CYRIB: variants seen among roughly 807,000 people sequenced by gnomAD.
CYRIB encodes the protein CYFIP related Rac1 interactor B, also known as CYFIP-related Rac1 interactor B.
CYRIB carries 8 observed loss-of-function variants against 44.2 expected under a neutral mutation model. That is an observed-to-expected ratio of 0.18 (90% confidence interval 0.11 to 0.33). The LOEUF is 0.33. Ranked by LOEUF, CYRIB falls within the 10% of genes least tolerant of loss-of-function variation. The pLI, the probability that CYRIB is intolerant of heterozygous loss-of-function variation, is 1.00. For missense variants in CYRIB, 185 were observed against 382.8 expected (o/e 0.48, Z 4.31); for synonymous variants, 131 against 127.2 (o/e 1.03, Z -0.20).
At chr8:129,876,980 G>A (rs917821035) in intron 3 of CYRIB, among the ~76,000 whole-genome samples, 3 of 152,100 alleles carry the variant, frequency 2.0e-5, no homozygotes, top group Admixed American at 6.6e-5. Context: ...AGTATAAAAC[G>A]GTTTAAGAGA....
chr8:129,917,200 T>C (rs1294419581), intron 1 of CYRIB, among the ~76,000 whole-genome samples: 2 of 152,200 alleles, frequency 1.3e-5, no homozygotes, highest in Non-Finnish European at 2.9e-5. Flanking sequence ...GAAGTTTATG[T>C]ATTAATACAT....
intron 2 of CYRIB, among the ~76,000 whole-genome samples, chr8:129,887,507 A>G (rs572528872): frequency 3.0e-4 from 45 of 152,200 alleles, no homozygotes; most frequent in Non-Finnish European, 5.6e-4. Context: ...GGCACTGCCT[A>G]ACATAGCTGC....
At position 129,945,041 on chromosome 8, in the gene CYRIB, T is replaced by C. The variant is rs551073140; in HGVS notation, c.-243+25902A>G. ...TTTTGCAAGGGATGAGTTGAGCCTT[T>C]AGGGAAAAAGAGCCTTTAGGCAAAA... On this transcript the variant is annotated intron_variant, in intron 2 of 14. Transcript: ENST00000401979. Among the ~76,000 whole-genome samples the C allele has an allele frequency of 3.9e-5, 6 of 152,226 alleles. No homozygotes were observed. In the East Asian group the frequency reaches 1.2e-3, roughly 30 times the overall value.
intron 1 of CYRIB, among the ~76,000 whole-genome samples, chr8:129,916,780 ATTTG>A (rs2080997293): frequency 6.6e-6 from 1 of 152,210 alleles, no homozygotes; most frequent in Admixed American, 6.5e-5. Flanking sequence ...GGAAGATAAA[ATTTG>A]TTTCTCAAGT....
intron 1 of CYRIB, among the ~76,000 whole-genome samples, chr8:130,011,519 T>C (rs976686565): frequency 6.6e-6 from 1 of 150,732 alleles, no homozygotes; most frequent in African/African-American, 2.5e-5. Context: ...AGACTCCATC[T>C]CAAAAAATAA....
chr8:130,002,196 C>T (rs145670284), intron 1 of CYRIB, among the ~76,000 whole-genome samples: 2,172 of 152,298 alleles, frequency 0.014, 22 homozygotes, highest in Non-Finnish European at 0.023. Flanking sequence ...CTCAGTGGCT[C>T]ACATCTGTAA....
At chr8:129,869,893 C>T (rs905128489) in intron 4 of CYRIB, among the ~76,000 whole-genome samples, 11 of 150,588 alleles carry the variant, frequency 7.3e-5, no homozygotes, top group East Asian at 1.9e-4. Context: ...ACCTCCCCCC[C>T]GCCCAAAAAA....
intron 4 of CYRIB, among the ~76,000 whole-genome samples, chr8:129,865,769 T>C (rs2053195230): frequency 6.6e-6 from 1 of 152,234 alleles, no homozygotes; most frequent in African/African-American, 2.4e-5. Context: ...TGAAACTGAA[T>C]GTTATATAAA....
chr8:129,868,091 T>C (rs954348595), intron 4 of CYRIB, among the ~76,000 whole-genome samples: 1 of 152,224 alleles, frequency 6.6e-6, no homozygotes, highest in African/African-American at 2.4e-5. Context: ...TAATTAACAC[T>C]ATTAGCAATT....
chr8:129,870,067 C>T (rs1197665074), intron 4 of CYRIB, among the ~76,000 whole-genome samples: 1 of 152,220 alleles, frequency 6.6e-6, no homozygotes, highest in African/African-American at 2.4e-5. Flanking sequence ...AAACAGAATT[C>T]ACACCAGAAT....
At chr8:129,917,805 C>A (rs917280187) in intron 1 of CYRIB, among the ~76,000 whole-genome samples, 1 of 151,884 alleles carries the variant, frequency 6.6e-6, no homozygotes, top group South Asian at 2.1e-4. Context: ...TGCAGTGAGC[C>A]GAGATCGCAC....
chr8:129,992,043 T>C (rs1719044210), intron 1 of CYRIB, among the ~76,000 whole-genome samples: 1 of 143,082 alleles, frequency 7.0e-6, no homozygotes. Context: ...AGGCTGAGCA[T>C]GGTGGTTCAC....
At chr8:129,896,445 A>G (rs1460480797) in intron 2 of CYRIB, among the ~76,000 whole-genome samples, 1 of 152,212 alleles carries the variant, frequency 6.6e-6, no homozygotes, top group African/African-American at 2.4e-5. Flanking sequence ...GCTGGCCTGG[A>G]CAGCAATGAT....
chr8:129,870,109 A>G (rs1230849330), intron 4 of CYRIB, among the ~76,000 whole-genome samples: 1 of 152,196 alleles, frequency 6.6e-6, no homozygotes, highest in East Asian at 1.9e-4. Flanking sequence ...CGATCTGCTA[A>G]TGTAAAATAA....
At chr8:129,899,510 T>C (rs949618373) in intron 2 of CYRIB, among the ~76,000 whole-genome samples, 4 of 152,202 alleles carry the variant, frequency 2.6e-5, no homozygotes. Flanking sequence ...ACCTTCTAGT[T>C]TCACAAAGCA....
intron 2 of CYRIB, chr8:129,901,893 CAT>C (rs1218405750): frequency 1.3e-5 from 2 of 152,204 alleles, no homozygotes; most frequent in Non-Finnish European, 2.9e-5. Context: ...AAGAAGCACA[CAT>C]ATTAATGTAA....
At chr8:129,924,801 AC>A (rs1342566713) in intron 1 of CYRIB, among the ~76,000 whole-genome samples, 6 of 151,970 alleles carry the variant, frequency 3.9e-5, no homozygotes, top group Admixed American at 6.6e-5. Flanking sequence ...ACCCGTCTCT[AC>A]AAAAAAATTT....
At chr8:129,947,049 T>A (rs1282306030) in intron 2 of CYRIB, among the ~76,000 whole-genome samples, 1 of 141,930 alleles carries the variant, frequency 7.0e-6, no homozygotes, top group East Asian at 2.0e-4. Flanking sequence ...CAAACTCTAA[T>A]TCTTTTATTT....
chr8:129,998,650 T>TTA (rs1172775465), intron 1 of CYRIB, among the ~76,000 whole-genome samples: 1 of 151,784 alleles, frequency 6.6e-6, no homozygotes, highest in Non-Finnish European at 1.5e-5. Context: ...TTTTTTTTTT[T>TTA]AGATGAATTC....
Sources: allele counts gnomAD v4.1 joint callset (sites outside exome capture counted in the v4.1 genomes callset), GRCh38; gene constraint gnomAD v4.1.1; transcripts MANE v1.5; gene names NCBI Gene and HGNC (gene_info 2026-07-23, HGNC 2026-07-21).